The following MMP25 variants were observed in gnomAD, a reference collection of about 807,000 sequenced individuals.
MMP25 encodes the protein matrix metallopeptidase 25.
A neutral mutation model predicts 62.1 loss-of-function variants in MMP25; 68 were observed. The ratio of observed to expected loss-of-function variants is 1.10; its 90% CI spans 0.90 to 1.34. The LOEUF (loss-of-function observed/expected upper bound fraction) is 1.34, where lower values mean the gene tolerates loss of function less well. Among genes scored for constraint, MMP25 ranks in the 40% most tolerant of loss-of-function variants. The pLI is 0.00. For missense variants in MMP25, 942 were observed against 792.5 expected (o/e 1.19, Z -2.26); for synonymous variants, 407 against 345.6 (o/e 1.18, Z -1.97).
At chr16:3,051,711 C>G (rs1406152720) in intron 4 of MMP25, 1 of 152,158 alleles carries the variant, frequency 6.6e-6, no homozygotes, top group Non-Finnish European at 1.5e-5. Flanking sequence ...CACGGTGACA[C>G]AGCTCCACAG....
intron 2 of MMP25, among the ~76,000 whole-genome samples, chr16:3,047,987 G>T (rs542728347): frequency 1.3e-5 from 2 of 151,858 alleles, no homozygotes; most frequent in Non-Finnish European, 2.9e-5. Flanking sequence ...TTACAGGCAC[G>T]CACCATCACA....
intron 9 of MMP25, 23 bp downstream of exon 9, chr16:3,058,692 G>C: frequency 6.3e-7 from 1 of 1,582,654 alleles, no homozygotes; most frequent in African/African-American, 1.3e-5. Flanking sequence ...GTGACCTGCG[G>C]GTTACTGGGC....
At chr16:3,054,075 G>C (rs1955953863) in intron 4 of MMP25, 1 of 151,652 alleles carries the variant, frequency 6.6e-6, no homozygotes, top group Non-Finnish European at 1.5e-5. Context: ...GAAGGGATCG[G>C]GGATTGATAG....
At chr16:3,056,158 G>A (rs1041137002) in intron 4 of MMP25, 9 of 250,296 alleles carry the variant, frequency 3.6e-5, no homozygotes, top group African/African-American at 2.1e-4. Flanking sequence ...TAAGGGATAT[G>A]GCTTGAGGAG....
chr16:3,047,605 A>G, intron 2 of MMP25, 58 bp downstream of exon 2: 2 of 1,573,294 alleles, frequency 1.3e-6, no homozygotes, highest in Non-Finnish European at 1.7e-6. Context: ...TCCACCGCCC[A>G]ACAGCCTTTA....
At position 3,060,421 on chromosome 16, in the gene MMP25, G is replaced by A. The variant is rs906354567; in HGVS notation, c.*1323G>A. On this transcript the variant is annotated 3_prime_UTR_variant, in exon 10 of 10. Transcript: ENST00000336577. Reference sequence around the variant, plus strand: ...CACACCGATGGCCTGAACCCCATGGGTAGAGTCACTTAGGGGCCACTTCCT... The same window carrying A: ...CACACCGATGGCCTGAACCCCATGGATAGAGTCACTTAGGGGCCACTTCCT... The A allele has an allele frequency of 2.6e-5, 4 of 152,108 alleles. No individual in the cohort carries two copies. Among genetic ancestry groups the A allele is most frequent in the African/African-American group, 7.2e-5 (3 of 41,414 alleles). The allele number at this position is 152,108 out of a possible 1,614,324, so 9.4% of individuals were successfully genotyped here.
intron 3 of MMP25, 36 bp from the exon 4 acceptor site, chr16:3,050,218 C>T: frequency 1.3e-6 from 2 of 1,575,148 alleles, no homozygotes; most frequent in African/African-American, 1.3e-5. Flanking sequence ...CTGCTCCCTC[C>T]ACGGCCACCC....
chr16:3,049,637 C>T (rs911595580), intron 2 of MMP25, among the ~76,000 whole-genome samples: 8 of 152,184 alleles, frequency 5.3e-5, no homozygotes, highest in African/African-American at 1.4e-4. Context: ...GAGGCCTGCA[C>T]AGCTCCCAGG....
At chr16:3,056,594 T>G (rs1956013188) in intron 4 of MMP25, among the ~76,000 whole-genome samples, 1 of 151,980 alleles carries the variant, frequency 6.6e-6, no homozygotes, top group African/African-American at 2.4e-5. Context: ...AAAATTTTTT[T>G]GTAGAGATGG....
chr16:3,058,422 C>G lies in MMP25; in HGVS notation c.1170C>G (p.Phe390Leu). 2.6e-6 allele frequency: 4 copies of G among 1,568,374 alleles called. No individual in the cohort carries two copies. Among genetic ancestry groups the G allele is most frequent in the Non-Finnish European group, 8.6e-7 (1 of 1,157,134 alleles). ...GRILLFSGPQ[F>L]WVFQDRQLEG... Reference sequence around the variant, plus strand: ...GCCTCCACCCTGCAGGGCCCCAGTTCTGGGTGTTCCAGGACCGGCAGCTGG... The same window carrying G: ...GCCTCCACCCTGCAGGGCCCCAGTTGTGGGTGTTCCAGGACCGGCAGCTGG... Residue 390 changes from phenylalanine (F) to leucine (L), a missense_variant, in exon 9 of 10, where the codon TTC becomes TTG. Physicochemically the swap from Phe to Leu is conservative, Grantham distance 22 (BLOSUM62 0). Transcript: ENST00000336577.
chr16:3,055,214 G>A (rs925558993), intron 4 of MMP25, among the ~76,000 whole-genome samples: 4 of 152,066 alleles, frequency 2.6e-5, no homozygotes, highest in African/African-American at 9.7e-5. Context: ...GGAATCTTGT[G>A]GGGCTGGGTC....
intron 2 of MMP25, among the ~76,000 whole-genome samples, chr16:3,049,689 C>A (rs1478732871): frequency 1.2e-4 from 18 of 152,190 alleles, no homozygotes; most frequent in Non-Finnish European, 1.0e-4. Flanking sequence ...ACCCAGGGCT[C>A]CTTTCTCCAG....
intron 6 of MMP25, 62 bp from the exon 7 acceptor site, chr16:3,057,469 G>A: frequency 1.9e-6 from 3 of 1,596,460 alleles, no homozygotes; most frequent in Admixed American, 1.7e-5. Context: ...TGGGGATGGT[G>A]GGGGTCCCTG....
At chr16:3,056,930 T>G (rs1596220496) in intron 4 of MMP25, 103 bp from the exon 5 acceptor site, 1 of 1,269,082 alleles carries the variant, frequency 7.9e-7, no homozygotes, top group Admixed American at 2.4e-5. Context: ...CTCTGGAGGG[T>G]GTCCTGCTGT....
rs549134939 is a variant in MMP25, at chr16:3,046,757, C to G, written c.-161C>G. 3.1e-4 allele frequency: 138 copies of G among 441,364 alleles called. 2 individuals carry two copies. The South Asian group carries it at 3.6e-3, about 12-fold the overall frequency. 27.3% of individuals were successfully genotyped at this position (441,364 alleles called of 1,614,324 possible). A position where few individuals can be genotyped will look rare whatever the true frequency, so the allele number is the denominator to read the frequency against. Reference sequence around the variant, plus strand: ...TCCGCTGACTCCACCGCGCACTTCCCGGGACCCCCACACACATCCCAGCCC... The same window carrying G: ...TCCGCTGACTCCACCGCGCACTTCCGGGGACCCCCACACACATCCCAGCCC... On this transcript the variant is annotated 5_prime_UTR_variant, in exon 1 of 10. Coordinates refer to ENST00000336577, the MANE Select transcript of MMP25 (RefSeq NM_022468.5).
chr16:3,056,919 C>T, intron 4 of MMP25, 114 bp from the exon 5 acceptor site: 1 of 1,176,596 alleles, frequency 8.5e-7, no homozygotes, highest in Non-Finnish European at 1.2e-6. Flanking sequence ...GCTGGGGCCA[C>T]CTCTGGAGGG....
At chr16:3,055,814 G>C (rs1336608094) in intron 4 of MMP25, 2 of 454,954 alleles carry the variant, frequency 4.4e-6, no homozygotes, top group Admixed American at 4.7e-5. Context: ...CTGTGTCTCT[G>C]TCTTGGTCTC....
intron 4 of MMP25, chr16:3,051,610 T>TA (rs1214397745): frequency 1.3e-5 from 2 of 152,158 alleles, no homozygotes; most frequent in Non-Finnish European, 2.9e-5. Context: ...AGCAGGTGCC[T>TA]AGCTCCAAGC....
intron 2 of MMP25, among the ~76,000 whole-genome samples, chr16:3,048,097 C>T (rs1955847404): frequency 1.3e-5 from 2 of 152,180 alleles, no homozygotes; most frequent in African/African-American, 2.4e-5. Context: ...CCTTGGCCTC[C>T]CAAAGTCCTG....
Sources: allele counts gnomAD v4.1 joint callset (sites outside exome capture counted in the v4.1 genomes callset), GRCh38; gene constraint gnomAD v4.1.1; transcripts MANE v1.5; gene names NCBI Gene and HGNC (gene_info 2026-07-23, HGNC 2026-07-21).